KCNK2: variants seen among roughly 807,000 people sequenced by gnomAD.
KCNK2 encodes potassium channel subfamily K member 2.
Under a neutral mutation model 40.5 loss-of-function variants are expected in KCNK2, and 21 were observed. The observed-to-expected ratio is 0.52, with a 90% CI of 0.37 to 0.75. KCNK2 has a LOEUF of 0.75. KCNK2 is among the 30% of genes least tolerant of loss of function. KCNK2 has a pLI of 0.00. For missense variants in KCNK2, 399 were observed against 531.6 expected (o/e 0.75, Z 2.45); for synonymous variants, 191 against 202.2 (o/e 0.94, Z 0.47).
intron 6 of KCNK2, among the ~76,000 whole-genome samples, chr1:215,195,372 T>C (rs952521412): frequency 7.8e-4 from 119 of 152,026 alleles, no homozygotes; most frequent in Non-Finnish European, 1.6e-3. Context: ...TCTTTTTTTT[T>C]TTGTTTTCTT....
chr1:215,006,997 CTA>C lies in KCNK2; in HGVS notation c.34+1082_34+1083del, dbSNP rs199497700. ...ATCACTAAGTTTGGGGACCAATTCA[CTA>C]TATATATATATATATATATATATAT... On this transcript the variant is annotated intron_variant, in intron 1 of 6. Transcript: ENST00000391895. Among the ~76,000 whole-genome samples, 675 of 81,504 alleles carry C rather than the reference CTA, an allele frequency of 8.3e-3. 4 individuals are homozygous for C. Among genetic ancestry groups the C allele is most frequent in the African/African-American group, 0.034 (512 of 15,240 alleles). The allele number at this position is 81,504 out of a possible 152,430, so 53.5% of individuals were successfully genotyped here.
intron 5 of KCNK2, among the ~76,000 whole-genome samples, chr1:215,180,491 G>A (rs1347604725): frequency 6.6e-6 from 1 of 152,070 alleles, no homozygotes; most frequent in East Asian, 1.9e-4. Flanking sequence ...TGTGGTAGCA[G>A]GTATCATTTC....
intron 3 of KCNK2, among the ~76,000 whole-genome samples, chr1:215,138,980 C>G (rs954495945): frequency 2.0e-5 from 3 of 152,172 alleles, no homozygotes; most frequent in Non-Finnish European, 4.4e-5. Flanking sequence ...GAAAGAAAAT[C>G]ATATTCTTTC....
chr1:215,090,665 G>C (rs1659654803), intron 2 of KCNK2, among the ~76,000 whole-genome samples: 1 of 152,166 alleles, frequency 6.6e-6, no homozygotes, highest in South Asian at 2.1e-4. Flanking sequence ...AAGGTTAAAA[G>C]ATAGAGTGAA....
chr1:215,159,866 A>G (rs941493721), intron 3 of KCNK2, among the ~76,000 whole-genome samples: 2 of 152,202 alleles, frequency 1.3e-5, no homozygotes, highest in African/African-American at 4.8e-5. Context: ...AATATCATAT[A>G]TACCCAGATG....
chr1:215,006,202 T>G (rs1656122285), intron 1 of KCNK2, among the ~76,000 whole-genome samples: 1 of 152,182 alleles, frequency 6.6e-6, no homozygotes, highest in South Asian at 2.1e-4. Context: ...ATCAGGCTTT[T>G]ATTTGCGATG....
rs186683382 is a variant in KCNK2 at position 215,039,648 on chromosome 1, C to T, written c.34+33693C>T. The stretch of plus-strand genomic sequence containing the variant: ...TTCAGAATACCATTAACATTATCCT[C>T]AGAAACCAAACACAATTTTTTTAAT... On this transcript the variant is annotated intron_variant, in intron 1 of 6. Transcript: ENST00000391895. Among the ~76,000 whole-genome samples, 782 of 152,248 alleles carry T rather than the reference C, an allele frequency of 5.1e-3. 6 individuals carry two copies. The highest frequency in any genetic ancestry group is 6.7e-3 in the Non-Finnish European group (458 of 67,998).
chr1:215,116,859 TG>T (rs34189348), intron 2 of KCNK2, among the ~76,000 whole-genome samples: 568 of 151,640 alleles, frequency 3.7e-3, no homozygotes, highest in African/African-American at 5.7e-3. Flanking sequence ...CAAAATATGC[TG>T]GGGGGGGAAC....
chr1:215,219,583 G>T, intron 6 of KCNK2, among the ~76,000 whole-genome samples: 1 of 152,100 alleles, frequency 6.6e-6, no homozygotes, highest in Non-Finnish European at 1.5e-5. Context: ...TTCATCCCAT[G>T]ACTCATGTTA....
intron 3 of KCNK2, among the ~76,000 whole-genome samples, chr1:215,133,026 G>A (rs1352478497): frequency 1.3e-5 from 2 of 152,090 alleles, no homozygotes; most frequent in Non-Finnish European, 2.9e-5. Flanking sequence ...GGCATAATTT[G>A]TTTTGTTTTG....
At chr1:215,191,863 G>C (rs1664680855) in intron 5 of KCNK2, among the ~76,000 whole-genome samples, 1 of 152,128 alleles carries the variant, frequency 6.6e-6, no homozygotes, top group African/African-American at 2.4e-5. Flanking sequence ...AGAGTGGGCT[G>C]TAGCATCTTG....
chr1:215,230,092 T>C (rs979406421), intron 6 of KCNK2, among the ~76,000 whole-genome samples: 1 of 141,242 alleles, frequency 7.1e-6, no homozygotes, highest in African/African-American at 2.7e-5. Context: ...TGTGTGTGTA[T>C]ACACACACAC....
At chr1:215,048,137 A>G (rs1657850251) in intron 1 of KCNK2, among the ~76,000 whole-genome samples, 1 of 152,254 alleles carries the variant, frequency 6.6e-6, no homozygotes, top group Non-Finnish European at 1.5e-5. Context: ...AACAGTCTTT[A>G]TTTTTCCCAT....
chr1:215,048,844 T>A (rs190870961), intron 1 of KCNK2, among the ~76,000 whole-genome samples: 1 of 152,312 alleles, frequency 6.6e-6, no homozygotes, highest in East Asian at 1.9e-4. Context: ...TAGCTTATAC[T>A]TTGTTTTAAT....
In KCNK2 at chr1:215,025,351, ATAT is replaced by A. The variant is rs1174256277; in HGVS notation, c.34+19403_34+19405del. ...GGACTTTTATACTTTTATGTAAGTG[ATAT>A]TATTATAAGGCTTTCTTTTCAGTAT... On this transcript the variant is annotated intron_variant, in intron 1 of 6. Coordinates refer to the KCNK2 transcript ENST00000391895. 9.2e-5 allele frequency among the ~76,000 whole-genome samples: 14 copies of A among 152,018 alleles called. No individual in the cohort carries two copies. In the East Asian group the frequency reaches 1.7e-3, roughly 19 times the overall value.
intron 1 of KCNK2, among the ~76,000 whole-genome samples, chr1:215,049,476 G>GA (rs1657906686): frequency 6.6e-6 from 1 of 152,014 alleles, no homozygotes; most frequent in Non-Finnish European, 1.5e-5. Context: ...TTCTTTCACT[G>GA]AACAAAAGTT....
chr1:215,101,199 G>T (rs1033152265), intron 2 of KCNK2, among the ~76,000 whole-genome samples: 10 of 152,082 alleles, frequency 6.6e-5, no homozygotes, highest in African/African-American at 2.4e-4. Context: ...GAACTGCTAT[G>T]CTAGTGAGGG....
intron 1 of KCNK2, among the ~76,000 whole-genome samples, chr1:215,036,391 A>G (rs1477679595): frequency 1.3e-5 from 2 of 151,820 alleles, no homozygotes; most frequent in Non-Finnish European, 2.9e-5. Context: ...TGTTCCATTG[A>G]TCTATTTTTC....
At chr1:215,192,261 T>C (rs940755342) in intron 5 of KCNK2, among the ~76,000 whole-genome samples, 1 of 152,160 alleles carries the variant, frequency 6.6e-6, no homozygotes, top group South Asian at 2.1e-4. Flanking sequence ...TTCTTATATA[T>C]AGTATTCGTT....
Sources: allele counts gnomAD v4.1 joint callset (sites outside exome capture counted in the v4.1 genomes callset), GRCh38; gene constraint gnomAD v4.1.1; transcripts MANE v1.5; gene names NCBI Gene and HGNC (gene_info 2026-07-23, HGNC 2026-07-21).